Variants in HIP1 observed in about 807,000 individuals in gnomAD.
HIP1 encodes huntingtin interacting protein 1, also known as huntingtin-interacting protein 1.
Under a neutral mutation model 147.6 loss-of-function variants are expected in HIP1, and 65 were observed. The ratio of observed to expected loss-of-function variants is 0.44; its 90% CI spans 0.36 to 0.54. The LOEUF (loss-of-function observed/expected upper bound fraction) is 0.54, where lower values mean the gene tolerates loss of function less well. Ranked by LOEUF, HIP1 falls within the 20% of genes least tolerant of loss-of-function variation. The probability of loss-of-function intolerance (pLI) is 0.00; values close to 1 mark genes in which losing one functional copy is unlikely to be tolerated. For synonymous variants in HIP1, 479 were observed against 504.0 expected, an observed-to-expected ratio of 0.95 and a Z score of 0.67; for missense variants, 1,061 against 1,299.6, an observed-to-expected ratio of 0.82 and a Z score of 2.82.
intron 5 of HIP1, among the ~76,000 whole-genome samples, chr7:75,584,101 A>G (rs1416825697): frequency 6.6e-6 from 1 of 150,468 alleles, no homozygotes; most frequent in Non-Finnish European, 1.5e-5. Flanking sequence ...GCTGGGATTA[A>G]CAGGCACGCA....
In HIP1 at chr7:75,568,191, C is replaced by G. The variant is rs781853649; in HGVS notation, c.803+8G>C. 1.9e-6 allele frequency: 3 copies of G among 1,601,430 alleles called. No individual in the cohort carries two copies. The highest frequency in any genetic ancestry group is 2.6e-6 in the Non-Finnish European group (3 of 1,168,606). ...TTCACCTCCATTCCTGTTACTTGAA[C>G]CACTTACTTTGTAAACTGCTCCATG... On this transcript the variant is annotated splice_region_variant and intron_variant, in intron 9 of 30. Coordinates refer to ENST00000336926, the MANE Select transcript of HIP1 (RefSeq NM_005338.7). This position sits in a 1 kb window ranked among gnomAD's most constrained non-coding sequence, Gnocchi z 4.1.
chr7:75,696,682 C>T (rs1554518801), intron 1 of HIP1, among the ~76,000 whole-genome samples: 1 of 150,040 alleles, frequency 6.7e-6, no homozygotes, highest in Non-Finnish European at 1.5e-5. Flanking sequence ...CTCACTGCAG[C>T]CTCCACTTCC....
intron 1 of HIP1, among the ~76,000 whole-genome samples, chr7:75,717,883 A>G (rs573233889): frequency 6.6e-6 from 1 of 151,870 alleles, no homozygotes; most frequent in South Asian, 2.1e-4. Context: ...AGGCATGAGA[A>G]TTGCTTAAAC....
intron 1 of HIP1, among the ~76,000 whole-genome samples, chr7:75,698,173 G>A (rs1367970019): frequency 6.6e-6 from 1 of 151,982 alleles, no homozygotes; most frequent in Non-Finnish European, 1.5e-5. Flanking sequence ...CCCAAGTCAC[G>A]CTTTATCCTT....
chr7:75,545,321 C>A, intron 25 of HIP1, 133 bp from the exon 26 acceptor site: 1 of 655,424 alleles, frequency 1.5e-6, no homozygotes, highest in Non-Finnish European at 2.7e-6. Context: ...TCCCATTTTA[C>A]AAAAAAGAAG....
chr7:75,602,186 A>G (rs960576718), intron 1 of HIP1, among the ~76,000 whole-genome samples: 12 of 151,090 alleles, frequency 7.9e-5, no homozygotes, highest in African/African-American at 2.9e-4. Flanking sequence ...TTTTTAGTAG[A>G]GACAGGGTTT....
At chr7:75,670,456 T>C (rs1799699332) in intron 1 of HIP1, among the ~76,000 whole-genome samples, 1 of 152,152 alleles carries the variant, frequency 6.6e-6, no homozygotes, top group Non-Finnish European at 1.5e-5. Flanking sequence ...ACTGTGCTCA[T>C]GAGGCTCATT....
chr7:75,660,342 C>G (rs1799273167), intron 1 of HIP1, among the ~76,000 whole-genome samples: 1 of 151,328 alleles, frequency 6.6e-6, no homozygotes, highest in Non-Finnish European at 1.5e-5. Flanking sequence ...GCCTGGCCAA[C>G]ATGGCAAAAG....
rs34062007 is a variant in HIP1 at position 75,593,629 on chromosome 7, C to CAAAA, written c.185-1119_185-1116dup. 8.3e-5 allele frequency among the ~76,000 whole-genome samples: 6 copies of CAAAA among 72,240 alleles called. 1 individual carries two copies. The highest frequency in any genetic ancestry group is 2.8e-4 in the African/African-American group (5 of 18,108). 47.4% of individuals were successfully genotyped at this position (72,240 alleles called of 152,430 possible). A position where few individuals can be genotyped will look rare whatever the true frequency, so the allele number is the denominator to read the frequency against. The stretch of plus-strand genomic sequence containing the variant: ...TGGGTGACAGAGCAAGACTCCATCT[C>CAAAA]AAAAAAAAAAAAAAAAAAAAAGTGA... On this transcript the variant is annotated intron_variant, in intron 2 of 30. Coordinates refer to ENST00000336926, the MANE Select transcript of HIP1 (RefSeq NM_005338.7).
In HIP1 at chr7:75,554,094, C is replaced by A. The variant is rs782732500; in HGVS notation, c.2158+19G>T. The A allele has an allele frequency of 6.3e-7, 1 of 1,595,824 alleles. No individual in the cohort carries two copies. Among genetic ancestry groups the A allele is most frequent in the Admixed American group, 1.7e-5 (1 of 59,894 alleles). On this transcript the variant is annotated intron_variant, in intron 21 of 30. Coordinates refer to ENST00000336926, the MANE Select transcript of HIP1 (RefSeq NM_005338.7). ...TGCTCCCCTGGTCCATGAACAGCCCCTCATGCCCCGGTACTCACAGTCGGC... is the reference window on the plus strand; with the variant it reads ...TGCTCCCCTGGTCCATGAACAGCCCATCATGCCCCGGTACTCACAGTCGGC...
At position 75,719,097 on chromosome 7, in the gene HIP1, C is replaced by T. The variant is rs191586790; in HGVS notation, c.120+19704G>A. Among the ~76,000 whole-genome samples, 447 of 152,074 alleles carry T rather than the reference C, an allele frequency of 2.9e-3. 4 individuals are homozygous for T. Among genetic ancestry groups the T allele is most frequent in the Non-Finnish European group, 3.1e-3 (209 of 67,992 alleles). On this transcript the variant is annotated intron_variant, in intron 1 of 30. Coordinates refer to ENST00000336926, the MANE Select transcript of HIP1 (RefSeq NM_005338.7). ...CTTTGGGAGGCCGAGGTGGGAGGAT[C>T]GCTTGAGCCCAGGAGTTCAAGGCCA...
rs188383160 is a variant in HIP1 at position 75,601,236 on chromosome 7, C to T, written c.121-1989G>A. ...TCTGGTGGTTGATGGTATAGACCCA[C>T]GGATCAGCAAACTACAGTTACAAGC... On this transcript the variant is annotated intron_variant, in intron 1 of 30. Transcript: ENST00000336926. 4.0e-4 allele frequency among the ~76,000 whole-genome samples: 61 copies of T among 152,000 alleles called. No homozygotes were observed. The East Asian group carries it at 9.4e-3, about 24-fold the overall frequency.
rs143924225 is a variant in HIP1, at chr7:75,575,567, T to A, written c.605-1666A>T. On this transcript the variant is annotated intron_variant, in intron 7 of 30. Transcript: ENST00000336926. ...TCAGGGCTGAAACTTGGGGCACCTG[T>A]CAACAAAAATAGAAGTCTTGCCTCC... Among the ~76,000 whole-genome samples the A allele has an allele frequency of 2.6e-5, 4 of 152,172 alleles. No homozygotes were observed. In the East Asian group the frequency reaches 7.7e-4, roughly 29 times the overall value.
At chr7:75,734,896 C>A (rs144226599) in intron 1 of HIP1, among the ~76,000 whole-genome samples, 47 of 152,312 alleles carry the variant, frequency 3.1e-4, no homozygotes, top group African/African-American at 1.1e-3. Context: ...AACCCCAAAG[C>A]CTGTGCTTTA....
In HIP1 at chr7:75,568,330, G is replaced by T; in HGVS notation, c.746-74C>A. On this transcript the variant is annotated intron_variant, in intron 8 of 30. Coordinates refer to ENST00000336926, the MANE Select transcript of HIP1 (RefSeq NM_005338.7). The surrounding 1 kb of genome is among the most constrained non-coding windows in gnomAD (Gnocchi z 4.1). The stretch of plus-strand genomic sequence containing the variant: ...GGGAAGCCACAGCGGGGCTCTCGAG[G>T]GGGAGGGGCCCAGCTACCCTGGGGC... 1 of 966,462 alleles carries T rather than the reference G, an allele frequency of 1.0e-6. No individual in the cohort carries two copies. Among genetic ancestry groups the T allele is most frequent in the Non-Finnish European group, 1.7e-6 (1 of 590,082 alleles). The allele number at this position is 966,462 out of a possible 1,614,324, so 59.9% of individuals were successfully genotyped here.
At chr7:75,665,730 G>A (rs919875537) in intron 1 of HIP1, among the ~76,000 whole-genome samples, 4 of 151,836 alleles carry the variant, frequency 2.6e-5, no homozygotes, top group South Asian at 2.1e-4. Flanking sequence ...CAGTAGAGAC[G>A]GGGTTTTGCT....
At chr7:75,733,779 C>G (rs1801921023) in intron 1 of HIP1, 1 of 152,970 alleles carries the variant, frequency 6.5e-6, no homozygotes, top group Non-Finnish European at 1.5e-5. Flanking sequence ...ATGCGGGAGG[C>G]AAGGCTAGAC....
intron 1 of HIP1, among the ~76,000 whole-genome samples, chr7:75,705,362 T>G (rs1417920494): frequency 7.0e-6 from 1 of 143,428 alleles, no homozygotes; most frequent in East Asian, 2.0e-4. Flanking sequence ...GATCTCTACC[T>G]TTTTTTTTTT....
chr7:75,613,879 C>T (rs1797533066), intron 1 of HIP1, among the ~76,000 whole-genome samples: 1 of 151,982 alleles, frequency 6.6e-6, no homozygotes, highest in Admixed American at 6.6e-5. Flanking sequence ...TGCATGCCAC[C>T]ACACCTGGCT....
Sources: allele counts gnomAD v4.1 joint callset (sites outside exome capture counted in the v4.1 genomes callset), GRCh38; gene constraint gnomAD v4.1.1; non-coding constraint Gnocchi (gnomAD v3.1); transcripts MANE v1.5; gene names NCBI Gene and HGNC (gene_info 2026-07-23, HGNC 2026-07-21).